The following RIMS1 variants were observed in gnomAD, a reference collection of about 807,000 sequenced individuals.
RIMS1 encodes regulating synaptic membrane exocytosis 1.
A neutral mutation model predicts 214.1 loss-of-function variants in RIMS1; 83 were observed. The observed-to-expected ratio is 0.39, with a 90% CI of 0.32 to 0.47. RIMS1 has a LOEUF of 0.47. Among genes scored for constraint, RIMS1 ranks in the 20% least tolerant of loss-of-function variants. RIMS1 has a pLI of 0.99. For missense variants in RIMS1, 2,050 were observed against 2,161.8 expected, an observed-to-expected ratio of 0.95 and a Z score of 1.03; for synonymous variants, 793 against 786.8, an observed-to-expected ratio of 1.01 and a Z score of -0.13.
intron 28 of RIMS1, among the ~76,000 whole-genome samples, chr6:72,327,822 T>G (rs1325582952): frequency 6.6e-6 from 1 of 151,854 alleles, no homozygotes; most frequent in Non-Finnish European, 1.5e-5. Context: ...GTTAGCAATT[T>G]TTTGAAAAGG....
Position 71,886,926 on chromosome 6 carries a change from G to C in RIMS1, c.-98G>C. 1 of 1,423,674 alleles carries C rather than the reference G, an allele frequency of 7.0e-7. No homozygotes were observed. Among genetic ancestry groups the C allele is most frequent in the Non-Finnish European group, 9.6e-7 (1 of 1,043,968 alleles). The allele number at this position is 1,423,674 out of a possible 1,614,324, so 88.2% of individuals were successfully genotyped here. Reference sequence around the variant, plus strand: ...CTCCTCCTCCTGCCGCCGCCGCTAGGGCTCCGCTGTGAGGGGGAAGCAGGG... The same window carrying C: ...CTCCTCCTCCTGCCGCCGCCGCTAGCGCTCCGCTGTGAGGGGGAAGCAGGG... On this transcript the variant is annotated 5_prime_UTR_variant, in exon 1 of 34. Transcript: ENST00000521978.
chr6:72,040,462 A>G (rs1249885569), intron 2 of RIMS1, among the ~76,000 whole-genome samples: 1 of 152,010 alleles, frequency 6.6e-6, no homozygotes, highest in Non-Finnish European at 1.5e-5. Flanking sequence ...CAGATGAGAA[A>G]CACTATGCCC....
intron 23 of RIMS1, among the ~76,000 whole-genome samples, chr6:72,277,945 G>A (rs1358889877): frequency 6.6e-6 from 1 of 152,070 alleles, no homozygotes; most frequent in East Asian, 1.9e-4. Flanking sequence ...TCTGAGTTTA[G>A]TGCTTACAGT....
intron 2 of RIMS1, among the ~76,000 whole-genome samples, chr6:72,028,378 C>T (rs1215669062): frequency 6.6e-6 from 1 of 151,974 alleles, no homozygotes; most frequent in Admixed American, 6.6e-5. Context: ...GTAGATATTT[C>T]TTGTAAATAT....
chr6:72,239,641 A>C (rs994051048), intron 9 of RIMS1, among the ~76,000 whole-genome samples: 1 of 152,202 alleles, frequency 6.6e-6, no homozygotes, highest in Admixed American at 6.5e-5. Context: ...ATCTTTATCC[A>C]GTCCTGCCCC....
At chr6:71,949,487 A>G (rs914148049) in intron 1 of RIMS1, among the ~76,000 whole-genome samples, 4 of 152,160 alleles carry the variant, frequency 2.6e-5, no homozygotes, top group African/African-American at 9.7e-5. Context: ...ACCTCAGATA[A>G]TGTTTCAAAT....
chr6:72,395,443 C>CA (rs1238262660), intron 31 of RIMS1, among the ~76,000 whole-genome samples: 1 of 151,844 alleles, frequency 6.6e-6, no homozygotes, highest in Admixed American at 6.6e-5. Flanking sequence ...TCAGAAAACT[C>CA]AAATCTTTAA....
chr6:72,287,291 A>G (rs2092510920), intron 24 of RIMS1, among the ~76,000 whole-genome samples: 1 of 152,236 alleles, frequency 6.6e-6, no homozygotes, highest in Non-Finnish European at 1.5e-5. Flanking sequence ...TTGACCTTAA[A>G]TACCACATAC....
At chr6:72,083,931 A>G (rs956297201) in intron 2 of RIMS1, among the ~76,000 whole-genome samples, 57 of 152,172 alleles carry the variant, frequency 3.7e-4, no homozygotes, top group Admixed American at 1.5e-3. Flanking sequence ...ATTCCTTCCA[A>G]AAAGTGTCCA....
At chr6:72,284,242 A>G in intron 24 of RIMS1, 124 bp downstream of exon 24, 2 of 656,272 alleles carry the variant, frequency 3.0e-6, no homozygotes, top group Non-Finnish European at 5.1e-6. Context: ...GCATTCATGT[A>G]ACTAAACCTA....
At chr6:71,979,576 A>G (rs1267735843) in intron 2 of RIMS1, among the ~76,000 whole-genome samples, 1 of 152,132 alleles carries the variant, frequency 6.6e-6, no homozygotes, top group African/African-American at 2.4e-5. Context: ...AATTTAACAA[A>G]TATTTACCAT....
intron 23 of RIMS1, among the ~76,000 whole-genome samples, chr6:72,281,231 A>T (rs979723328): frequency 2.6e-5 from 4 of 152,148 alleles, no homozygotes; most frequent in African/African-American, 9.6e-5. Flanking sequence ...CTTAAAAAGG[A>T]TAAAAGAGTA....
At chr6:72,159,804 A>G (rs1310530358) in intron 4 of RIMS1, among the ~76,000 whole-genome samples, 1 of 139,928 alleles carries the variant, frequency 7.1e-6, no homozygotes, top group Non-Finnish European at 1.6e-5. Context: ...CTTGAAGTAT[A>G]GTTTGAAGTC....
intron 2 of RIMS1, among the ~76,000 whole-genome samples, chr6:71,981,234 C>G (rs1446000704): frequency 4.6e-5 from 7 of 152,020 alleles, no homozygotes; most frequent in Admixed American, 4.6e-4. Flanking sequence ...GCATTTAACC[C>G]TCATGAAACT....
rs1292522207 is a variant in RIMS1, at chr6:72,287,596, C to CT, written c.3555-3067dup. 4.5e-3 allele frequency among the ~76,000 whole-genome samples: 635 copies of CT among 140,596 alleles called. 1 individual carries two copies. Among genetic ancestry groups the CT allele is most frequent in the African/African-American group, 0.011 (432 of 38,532 alleles). The allele number at this position is 140,596 out of a possible 152,430, so 92.2% of individuals were successfully genotyped here. A position where few individuals can be genotyped will look rare whatever the true frequency, so the allele number is the denominator to read the frequency against. On this transcript the variant is annotated intron_variant, in intron 24 of 33. Coordinates refer to ENST00000521978, the MANE Select transcript of RIMS1 (RefSeq NM_014989.7). ...TTGAATTAAACTTTTGCTCTGCAAACTTTTTTTTTTTTTTTTGGAGATGGA... is the reference window on the plus strand; with the variant it reads ...TTGAATTAAACTTTTGCTCTGCAAACTTTTTTTTTTTTTTTTTGGAGATGGA...
At chr6:72,352,504 T>C (rs2097489867) in intron 29 of RIMS1, among the ~76,000 whole-genome samples, 1 of 152,214 alleles carries the variant, frequency 6.6e-6, no homozygotes, top group Non-Finnish European at 1.5e-5. Context: ...ATATATTAGC[T>C]AACGTAATTC....
Position 72,313,651 on chromosome 6 carries a change from A to T in RIMS1, c.4109A>T (p.Glu1370Val). Residue 1370 changes from glutamate (E) to valine (V), a missense_variant, in exon 28 of 34, where the codon GAG becomes GTG. Physicochemically the swap from Glu to Val is moderately radical, Grantham distance 121. This residue lies in a region of RIMS1 where 889 missense variants were observed against 885.5 expected (regional missense o/e 1.00). Coordinates refer to ENST00000521978, the MANE Select transcript of RIMS1 (RefSeq NM_014989.7). Reference protein sequence around the residue: ...SSTSFMSEQSERPRGRISSFT... With the variant: ...SSTSFMSEQSVRPRGRISSFT... ...ACAAGCTTTATGTCAGAGCAATCTG[A>T]GCGCCCCAGGGGTAGAATCAGGTGA... 1.2e-6 allele frequency: 2 copies of T among 1,613,170 alleles called. No homozygotes were observed. Among genetic ancestry groups the T allele is most frequent in the Non-Finnish European group, 8.5e-7 (1 of 1,179,504 alleles).
chr6:72,036,693 C>T (rs139008955), intron 2 of RIMS1, among the ~76,000 whole-genome samples: 105 of 152,254 alleles, frequency 6.9e-4, no homozygotes, highest in Non-Finnish European at 1.2e-3. Context: ...CTGTGCATGA[C>T]ATATAGTAGG....
rs1003987484 is a variant in RIMS1, at chr6:72,261,816, C to A, written c.3116+1049C>A. The A allele has an allele frequency of 9.1e-6, 9 of 984,892 alleles. No homozygotes were observed. In the African/African-American group the frequency reaches 1.6e-4, roughly 17 times the overall value. 61.0% of individuals were successfully genotyped at this position (984,892 alleles called of 1,614,324 possible). On this transcript the variant is annotated intron_variant, in intron 19 of 33. Coordinates refer to ENST00000521978, the MANE Select transcript of RIMS1 (RefSeq NM_014989.7). ...AAGTTATACTACTCATAACTACTGC[C>A]ATGTTTGCTTGGAGTGCCACAGGAA...
Sources: gnomAD v4.1 joint callset for allele counts (sites outside exome capture counted in the v4.1 genomes callset) on GRCh38, gnomAD v4.1.1 for gene constraint, gnomAD v4.1.1 regional missense constraint, MANE v1.5 for transcripts, NCBI Gene and HGNC (gene_info 2026-07-23, HGNC 2026-07-21) for gene names.